The following FRMD6 variants were observed in gnomAD, a reference collection of about 807,000 sequenced individuals.
The protein encoded by FRMD6 is FERM domain-containing protein 6.
Under a neutral mutation model 73.2 loss-of-function variants are expected in FRMD6, and 37 were observed. The observed-to-expected ratio is 0.51, with a 90% CI of 0.39 to 0.66. The LOEUF (loss-of-function observed/expected upper bound fraction) is 0.66. Among genes scored for constraint, FRMD6 ranks in the 30% least tolerant of loss-of-function variants. The pLI is 0.00. For synonymous variants in FRMD6, 273 were observed against 282.2 expected, an observed-to-expected ratio of 0.97 and a Z score of 0.33; for missense variants, 714 against 780.5, an observed-to-expected ratio of 0.91 and a Z score of 1.02.
chr14:51,620,762 C>T (rs1566507427), intron 2 of FRMD6, among the ~76,000 whole-genome samples: 1 of 152,218 alleles, frequency 6.6e-6, no homozygotes, highest in Non-Finnish European at 1.5e-5. Context: ...AAACCACTGA[C>T]ACTCCTATGG....
At chr14:51,727,265 A>G (rs1323551328) in intron 13 of FRMD6, among the ~76,000 whole-genome samples, 1 of 152,128 alleles carries the variant, frequency 6.6e-6, no homozygotes, top group Non-Finnish European at 1.5e-5. Context: ...TAATAAAATA[A>G]TAACAGACCT....
chr14:51,568,150 A>G (rs1887884123), intron 1 of FRMD6, among the ~76,000 whole-genome samples: 1 of 152,252 alleles, frequency 6.6e-6, no homozygotes, highest in Admixed American at 6.5e-5. Context: ...TAAAAATATC[A>G]TAGGCTATAT....
chr14:51,585,939 G>GTGTGTGTGTGTGTGTA, intron 2 of FRMD6, among the ~76,000 whole-genome samples: 2 of 31,398 alleles, frequency 6.4e-5, no homozygotes, highest in African/African-American at 1.4e-4. Context: ...GTGTGTGTGT[G>GTGTGTGTGTGTGTGTA]TATATATATA....
intron 2 of FRMD6, among the ~76,000 whole-genome samples, chr14:51,600,894 C>A (rs1302913707): frequency 6.6e-6 from 1 of 152,208 alleles, no homozygotes; most frequent in Non-Finnish European, 1.5e-5. Context: ...TTGCAGCAAG[C>A]AGCAGTTGCC....
chr14:51,670,241 A>AT (rs759840333), intron 1 of FRMD6, among the ~76,000 whole-genome samples: 26 of 151,992 alleles, frequency 1.7e-4, no homozygotes, highest in Admixed American at 6.6e-5. Context: ...CACATAGCTA[A>AT]TTTTTTATTT....
At chr14:51,585,939 G>GTGTGTGTGTGTGTGTGTATATATATATA in intron 2 of FRMD6, among the ~76,000 whole-genome samples, 8 of 31,416 alleles carry the variant, frequency 2.5e-4, no homozygotes, top group South Asian at 1.1e-3. Context: ...GTGTGTGTGT[G>GTGTGTGTGTGTGTGTGTATATATATATA]TATATATATA....
intron 2 of FRMD6, among the ~76,000 whole-genome samples, chr14:51,632,033 G>C (rs1223941037): frequency 6.6e-6 from 1 of 152,222 alleles, no homozygotes; most frequent in African/African-American, 2.4e-5. Context: ...GAGGGACCTG[G>C]TGGGAGGAAA....
intron 10 of FRMD6, among the ~76,000 whole-genome samples, chr14:51,716,300 T>G (rs747830901): frequency 1.3e-5 from 2 of 152,170 alleles, no homozygotes; most frequent in African/African-American, 2.4e-5. Context: ...GGGTTTGTTT[T>G]TTTTTTTAAT....
chr14:51,663,852 A>G (rs1893394684), intron 1 of FRMD6, among the ~76,000 whole-genome samples: 1 of 152,246 alleles, frequency 6.6e-6, no homozygotes, highest in African/African-American at 2.4e-5. Context: ...CCCATGGTGG[A>G]ATGCGGAAGC....
At position 51,705,589 on chromosome 14, in the gene FRMD6, G is replaced by A. The variant is rs374703131; in HGVS notation, c.558+654G>A. ...TTGGTTCTCACCCACCCATCCTTGAGAAAGAAAGTGGGGAGGGAAAGAAGA... is the reference window on the plus strand; with the variant it reads ...TTGGTTCTCACCCACCCATCCTTGAAAAAGAAAGTGGGGAGGGAAAGAAGA... On this transcript the variant is annotated intron_variant, in intron 6 of 13. Transcript: ENST00000344768. 1.7e-4 allele frequency among the ~76,000 whole-genome samples: 26 copies of A among 152,198 alleles called. No homozygotes were observed. In the East Asian group the frequency reaches 4.8e-3, roughly 28 times the overall value.
At chr14:51,404,166 T>C in the FRMD6 span, among the ~76,000 whole-genome samples, 1 of 152,212 alleles carries the variant, frequency 6.6e-6, no homozygotes, top group Non-Finnish European at 1.5e-5. Flanking sequence ...GCATTTTTCT[T>C]AACACTAATA....
chr14:51,620,901 T>G (rs772288122), intron 2 of FRMD6, among the ~76,000 whole-genome samples: 16 of 152,202 alleles, frequency 1.1e-4, no homozygotes, highest in Non-Finnish European at 1.9e-4. Flanking sequence ...ACCACACTTG[T>G]CTTCAAGTTC....
the FRMD6 span, among the ~76,000 whole-genome samples, chr14:51,414,511 A>G: frequency 1.3e-5 from 2 of 152,112 alleles, no homozygotes; most frequent in Non-Finnish European, 2.9e-5. Flanking sequence ...CCATTGGTCT[A>G]TATCTCTGTT....
At chr14:51,543,681 T>G (rs928310966) in intron 1 of FRMD6, among the ~76,000 whole-genome samples, 1 of 152,040 alleles carries the variant, frequency 6.6e-6, no homozygotes, top group Non-Finnish European at 1.5e-5. Flanking sequence ...ACAGGAGATT[T>G]CTATAGGAGA....
the FRMD6 span, among the ~76,000 whole-genome samples, chr14:51,448,700 A>G: frequency 6.6e-6 from 1 of 152,218 alleles, no homozygotes; most frequent in Non-Finnish European, 1.5e-5. Flanking sequence ...GTCAGGCAGA[A>G]GCATGTGACA....
At chr14:51,571,356 G>A (rs760776344) in intron 2 of FRMD6, among the ~76,000 whole-genome samples, 14 of 152,108 alleles carry the variant, frequency 9.2e-5, no homozygotes, top group Non-Finnish European at 1.8e-4. Context: ...GGATTGTGTC[G>A]TCCTTTATGA....
intron 2 of FRMD6, among the ~76,000 whole-genome samples, chr14:51,690,843 G>A (rs1342424013): frequency 6.6e-6 from 1 of 150,454 alleles, no homozygotes; most frequent in African/African-American, 2.4e-5. Context: ...GAACATTGAG[G>A]AATGTGATTT....
At chr14:51,539,440 C>G (rs532174305) in intron 1 of FRMD6, among the ~76,000 whole-genome samples, 20 of 152,254 alleles carry the variant, frequency 1.3e-4, no homozygotes, top group African/African-American at 4.1e-4. Flanking sequence ...TTTTCAACAT[C>G]TACATAGTGC....
chr14:51,720,452 T>G (rs1897488656), intron 11 of FRMD6, 62 bp downstream of exon 11: 1 of 1,496,546 alleles, frequency 6.7e-7, no homozygotes, highest in Non-Finnish European at 9.2e-7. Context: ...AAGCATTGGT[T>G]CTATAGAACT....
Sources: gnomAD v4.1 joint callset for allele counts (sites outside exome capture counted in the v4.1 genomes callset) on GRCh38, gnomAD v4.1.1 for gene constraint, MANE v1.5 for transcripts, NCBI Gene and HGNC (gene_info 2026-07-23, HGNC 2026-07-21) for gene names.